Variants in CDH12 observed in about 807,000 individuals in gnomAD.
CDH12 encodes the protein cadherin 12, also known as cadherin-12.
CDH12 carries 41 observed loss-of-function variants against 74.1 expected under a neutral mutation model. The observed-to-expected ratio is 0.55, with a 90% CI of 0.43 to 0.72. The LOEUF is 0.72. Ranked by LOEUF, CDH12 falls within the 30% of genes least tolerant of loss-of-function variation. The pLI is 0.00. For missense variants in CDH12, 945 were observed against 977.2 expected (o/e 0.97, Z 0.44); for synonymous variants, 399 against 355.0 (o/e 1.12, Z -1.39).
At chr5:22,237,730 T>C (rs1752607747) in intron 3 of CDH12, among the ~76,000 whole-genome samples, 1 of 152,216 alleles carries the variant, frequency 6.6e-6, no homozygotes, top group South Asian at 2.1e-4. Flanking sequence ...TGAAACATTG[T>C]ATCCATGAGG....
At chr5:22,396,592 C>T (rs1190034128) in intron 3 of CDH12, among the ~76,000 whole-genome samples, 1 of 152,006 alleles carries the variant, frequency 6.6e-6, no homozygotes, top group Non-Finnish European at 1.5e-5. Flanking sequence ...CTTCATGCTG[C>T]CTGATGGATC....
intron 1 of CDH12, among the ~76,000 whole-genome samples, chr5:22,790,210 A>G (rs958457893): frequency 1.2e-4 from 19 of 152,176 alleles, no homozygotes; most frequent in African/African-American, 4.6e-4. Flanking sequence ...GGTGGCATCT[A>G]GAAGAGAATA....
chr5:21,945,448 AAAAAAAAAAAG>A (rs1755533797), intron 6 of CDH12, among the ~76,000 whole-genome samples: 1 of 145,882 alleles, frequency 6.9e-6, no homozygotes, highest in African/African-American at 2.6e-5. Context: ...AAAAAAAAAA[AAAAAAAAAAAG>A]AGGTTGGAAT....
intron 3 of CDH12, among the ~76,000 whole-genome samples, chr5:22,398,218 C>T (rs975600093): frequency 1.3e-5 from 2 of 152,038 alleles, no homozygotes; most frequent in Non-Finnish European, 2.9e-5. Flanking sequence ...CACTGCTATA[C>T]CTCACAGGGA....
chr5:22,792,840 T>C (rs979369137), intron 1 of CDH12, among the ~76,000 whole-genome samples: 4 of 152,206 alleles, frequency 2.6e-5, no homozygotes, highest in African/African-American at 7.2e-5. Context: ...GTGTCATTCA[T>C]AGATATTTCA....
At chr5:22,823,126 C>T (rs901157709) in intron 1 of CDH12, among the ~76,000 whole-genome samples, 5 of 151,022 alleles carry the variant, frequency 3.3e-5, no homozygotes, top group African/African-American at 7.3e-5. Flanking sequence ...AGCAAACTAT[C>T]GCAAGGACAA....
At chr5:22,004,186 G>A (rs573920830) in intron 5 of CDH12, among the ~76,000 whole-genome samples, 1 of 152,102 alleles carries the variant, frequency 6.6e-6, no homozygotes, top group Non-Finnish European at 1.5e-5. Context: ...TCTTACCTCT[G>A]TTCATTATTA....
At chr5:22,698,709 ATATATATATATATATATATATATATAGT>A (rs1273017751) in intron 1 of CDH12, among the ~76,000 whole-genome samples, 394 of 21,422 alleles carry the variant, frequency 0.018, 38 homozygotes, top group Middle Eastern at 0.05. Context: ...ATATATATAT[ATATATATATATATATATATATATATAGT>A]GTGTGTGTGT....
intron 8 of CDH12, among the ~76,000 whole-genome samples, chr5:21,824,882 A>G (rs189794014): frequency 7.1e-4 from 108 of 152,296 alleles, no homozygotes; most frequent in African/African-American, 2.5e-3. Context: ...GCCCAGGCAC[A>G]GTGGCTCAAG....
chr5:22,013,510 GATAA>G lies in CDH12; in HGVS notation c.232-38129_232-38126del, dbSNP rs372102281. Among the ~76,000 whole-genome samples, 352 of 152,194 alleles carry G rather than the reference GATAA, an allele frequency of 2.3e-3. 8 individuals are homozygous for G. Among genetic ancestry groups the G allele is most frequent in the East Asian group, 4.3e-3 (22 of 5,172 alleles). ...AAAATTGTAAATACATATATAAATA[GATAA>G]ATAGATGTTTAGTGGAATGTAGATT... On this transcript the variant is annotated intron_variant, in intron 5 of 14. Transcript: ENST00000382254.
chr5:22,839,131 AT>A (rs1172558816), intron 1 of CDH12, among the ~76,000 whole-genome samples: 3 of 152,132 alleles, frequency 2.0e-5, no homozygotes, highest in Non-Finnish European at 2.9e-5. Context: ...TGTAGCATAG[AT>A]TTTTTTGTAG....
intron 9 of CDH12, among the ~76,000 whole-genome samples, chr5:21,810,602 C>T (rs922916610): frequency 3.9e-5 from 6 of 152,036 alleles, no homozygotes; most frequent in African/African-American, 1.4e-4. Context: ...GAATTGTCTA[C>T]AAGACTAGAA....
chr5:22,395,064 A>T (rs1316101287), intron 3 of CDH12, among the ~76,000 whole-genome samples: 2 of 152,170 alleles, frequency 1.3e-5, no homozygotes, highest in Admixed American at 6.6e-5. Flanking sequence ...ATGCTAACTT[A>T]TCTGGGAAAA....
chr5:22,541,782 T>C (rs1405274396), intron 1 of CDH12, among the ~76,000 whole-genome samples: 1 of 152,158 alleles, frequency 6.6e-6, no homozygotes, highest in African/African-American at 2.4e-5. Context: ...GCCTCTTAAA[T>C]GACAATGAGT....
At chr5:22,515,435 C>T (rs1418757941) in intron 1 of CDH12, among the ~76,000 whole-genome samples, 4 of 151,876 alleles carry the variant, frequency 2.6e-5, no homozygotes, top group East Asian at 3.9e-4. Flanking sequence ...AACAGTGAGA[C>T]GTGAAGTATA....
At chr5:21,820,463 T>C (rs1748305304) in intron 8 of CDH12, among the ~76,000 whole-genome samples, 1 of 152,044 alleles carries the variant, frequency 6.6e-6, no homozygotes, top group African/African-American at 2.4e-5. Flanking sequence ...AAGCAATGAT[T>C]ACTTTTTGTG....
intron 1 of CDH12, among the ~76,000 whole-genome samples, chr5:22,628,073 A>C (rs1430494527): frequency 6.6e-6 from 1 of 152,172 alleles, no homozygotes; most frequent in Non-Finnish European, 1.5e-5. Context: ...ATACATATGC[A>C]CCCAACAAAG....
At chr5:22,045,880 T>C (rs2150188253) in intron 5 of CDH12, among the ~76,000 whole-genome samples, 1 of 152,320 alleles carries the variant, frequency 6.6e-6, no homozygotes, top group South Asian at 2.1e-4. Flanking sequence ...TGCTGCACAG[T>C]ATGGTGACTA....
intron 3 of CDH12, among the ~76,000 whole-genome samples, chr5:22,229,487 T>C (rs1752313307): frequency 6.7e-6 from 1 of 150,246 alleles, no homozygotes; most frequent in South Asian, 2.1e-4. Flanking sequence ...GCTGGCATAA[T>C]GCTGAAAAGG....
Sources: gnomAD v4.1 joint callset for allele counts (sites outside exome capture counted in the v4.1 genomes callset) on GRCh38, gnomAD v4.1.1 for gene constraint, MANE v1.5 for transcripts, NCBI Gene and HGNC (gene_info 2026-07-23, HGNC 2026-07-21) for gene names.